Variants in VEPH1 observed in about 807,000 individuals in gnomAD.
VEPH1 encodes the protein ventricular zone expressed PH domain containing 1, also known as ventricular zone-expressed PH domain-containing protein homolog 1.
VEPH1 carries 80 observed loss-of-function variants against 85.2 expected under a neutral mutation model. The observed-to-expected ratio is 0.94, with a 90% CI of 0.78 to 1.13. The LOEUF is 1.13. VEPH1 is among the 50% of genes most tolerant of loss of function. VEPH1 has a pLI of 0.00. For missense variants in VEPH1, 955 were observed against 980.5 expected, an observed-to-expected ratio of 0.97 and a Z score of 0.35; for synonymous variants, 297 against 348.0, an observed-to-expected ratio of 0.85 and a Z score of 1.63.
At chr3:157,488,962 C>T (rs1269297261) in intron 2 of VEPH1, 32 of 200,854 alleles carry the variant, frequency 1.6e-4, no homozygotes, top group African/African-American at 7.3e-4. Flanking sequence ...CTCCCCCTTC[C>T]CCCCACCTCC....
chr3:157,479,215 A>C (rs1163892139), intron 2 of VEPH1, among the ~76,000 whole-genome samples: 1 of 152,180 alleles, frequency 6.6e-6, no homozygotes, highest in Non-Finnish European at 1.5e-5. Context: ...TGCATATTAA[A>C]ATGAGCAACT....
At chr3:157,440,155 C>A (rs1268264240) in intron 4 of VEPH1, among the ~76,000 whole-genome samples, 1 of 152,102 alleles carries the variant, frequency 6.6e-6, no homozygotes, top group Non-Finnish European at 1.5e-5. Context: ...ATGTACCTAG[C>A]AATTTCATTT....
chr3:157,485,303 A>T (rs1738517531), intron 2 of VEPH1, among the ~76,000 whole-genome samples: 1 of 152,196 alleles, frequency 6.6e-6, no homozygotes, highest in South Asian at 2.1e-4. Flanking sequence ...GAAGAACAAT[A>T]TGACAAGTTC....
At chr3:157,414,154 G>A in intron 5 of VEPH1, 64 bp from the exon 6 acceptor site, 1 of 1,333,132 alleles carries the variant, frequency 7.5e-7, no homozygotes, top group Non-Finnish European at 1.0e-6. Context: ...TAATTAAATT[G>A]GAATTAATTT....
chr3:157,289,315 G>A (rs912654507), intron 11 of VEPH1, among the ~76,000 whole-genome samples: 3 of 152,078 alleles, frequency 2.0e-5, no homozygotes, highest in African/African-American at 4.8e-5. Flanking sequence ...AGTTTGTTGC[G>A]CATAATCCAC....
intron 6 of VEPH1, among the ~76,000 whole-genome samples, chr3:157,395,828 C>T (rs1254015528): frequency 6.6e-6 from 1 of 151,942 alleles, no homozygotes; most frequent in Non-Finnish European, 1.5e-5. Flanking sequence ...AAGCCCAGTA[C>T]CCAATAGTTA....
At chr3:157,272,375 T>TTTCTTTTCTTTTCTTTC (rs200016080) in intron 12 of VEPH1, among the ~76,000 whole-genome samples, 3 of 94,968 alleles carry the variant, frequency 3.2e-5, no homozygotes, top group African/African-American at 1.2e-4. Flanking sequence ...TTTCTCTTTC[T>TTTCTTTTCTTTTCTTTC]TTTCTTTCTT....
chr3:157,468,439 G>T (rs1458563346), intron 3 of VEPH1, among the ~76,000 whole-genome samples: 1 of 152,164 alleles, frequency 6.6e-6, no homozygotes, highest in East Asian at 1.9e-4. Context: ...GCCACGTGTG[G>T]TGGCAGGCAC....
At chr3:157,276,510 C>T (rs1275861275) in intron 12 of VEPH1, among the ~76,000 whole-genome samples, 2 of 152,124 alleles carry the variant, frequency 1.3e-5, no homozygotes, top group Non-Finnish European at 2.9e-5. Context: ...TTAGTATCTT[C>T]GTGGTAGATG....
intron 9 of VEPH1, among the ~76,000 whole-genome samples, chr3:157,331,023 TG>T (rs1722440052): frequency 6.6e-6 from 1 of 152,208 alleles, no homozygotes; most frequent in Non-Finnish European, 1.5e-5. Flanking sequence ...ATTGGCCCTG[TG>T]CATGGATATC....
At chr3:157,437,034 T>C (rs1733644679) in intron 4 of VEPH1, 1 of 1,614,064 alleles carries the variant, frequency 6.2e-7, no homozygotes, top group African/African-American at 1.3e-5. Context: ...GACAACGAAA[T>C]AGACAATGGA....
At chr3:157,463,636 G>T (rs989532558) in intron 3 of VEPH1, among the ~76,000 whole-genome samples, 3 of 152,142 alleles carry the variant, frequency 2.0e-5, no homozygotes, top group African/African-American at 7.2e-5. Flanking sequence ...AGAAGTCAGG[G>T]CACGTGCTTG....
At chr3:157,334,100 A>T (rs16827505) in intron 9 of VEPH1, among the ~76,000 whole-genome samples, 3,087 of 152,274 alleles carry the variant, frequency 0.02, 97 homozygotes, top group African/African-American at 0.072. Flanking sequence ...TATCAAACTC[A>T]TTGACGCTCC....
chr3:157,397,096 CTTGAG>C (rs1730456471), intron 6 of VEPH1, among the ~76,000 whole-genome samples: 1 of 152,124 alleles, frequency 6.6e-6, no homozygotes, highest in African/African-American at 2.4e-5. Context: ...TTTAATCCAT[CTTGAG>C]TTAATTTTTG....
chr3:157,267,064 A>G (rs1380755509), intron 12 of VEPH1, among the ~76,000 whole-genome samples: 3 of 149,390 alleles, frequency 2.0e-5, no homozygotes, highest in Non-Finnish European at 4.5e-5. Context: ...AATAAAATGT[A>G]TAGTTTTCTT....
intron 4 of VEPH1, among the ~76,000 whole-genome samples, chr3:157,442,035 T>TA (rs112549808): frequency 7.2e-5 from 11 of 152,078 alleles, no homozygotes; most frequent in South Asian, 4.1e-4. Context: ...TCAACTTTTT[T>TA]AAAAAAAAGC....
At chr3:157,296,774 T>C (rs1404802482) in intron 11 of VEPH1, among the ~76,000 whole-genome samples, 2 of 152,164 alleles carry the variant, frequency 1.3e-5, no homozygotes, top group East Asian at 3.8e-4. Context: ...GATTTTGGAG[T>C]CAGAAGATCA....
At chr3:157,342,152 C>T (rs1230505231) in intron 9 of VEPH1, among the ~76,000 whole-genome samples, 3 of 152,172 alleles carry the variant, frequency 2.0e-5, no homozygotes, top group Non-Finnish European at 4.4e-5. Flanking sequence ...ATCATAATGA[C>T]AGGATCAAAT....
chr3:157,383,936 G>A (rs768425207), intron 6 of VEPH1, among the ~76,000 whole-genome samples: 1 of 152,018 alleles, frequency 6.6e-6, no homozygotes. Flanking sequence ...AAGTCTCCAT[G>A]TGTGAATTCA....
Sources: gnomAD v4.1 joint callset for allele counts (sites outside exome capture counted in the v4.1 genomes callset) on GRCh38, gnomAD v4.1.1 for gene constraint, MANE v1.5 for transcripts, NCBI Gene and HGNC (gene_info 2026-07-23, HGNC 2026-07-21) for gene names.